NEO1: variants seen among roughly 807,000 people sequenced by gnomAD.
NEO1 encodes the protein neogenin 1, also known as neogenin.
A neutral mutation model predicts 159.7 loss-of-function variants in NEO1; 63 were observed. That is an observed-to-expected ratio of 0.39 (90% CI 0.32 to 0.49). The LOEUF is 0.49. Ranked by LOEUF, NEO1 falls within the 20% of genes least tolerant of loss-of-function variation. The pLI, the probability that NEO1 is intolerant of heterozygous loss-of-function variation, is 0.85. For synonymous variants in NEO1, 633 were observed against 662.0 expected (o/e 0.96, Z 0.67); for missense variants, 1,615 against 1,831.0 (o/e 0.88, Z 2.15).
intron 8 of NEO1, among the ~76,000 whole-genome samples, chr15:73,237,341 T>C (rs1567564668): frequency 6.6e-6 from 1 of 152,362 alleles, no homozygotes; most frequent in Admixed American, 6.5e-5. Flanking sequence ...TAAGCTGTTA[T>C]TCTTCAATTA....
At chr15:73,265,764 A>T (rs1417188282) in intron 15 of NEO1, among the ~76,000 whole-genome samples, 6 of 152,128 alleles carry the variant, frequency 3.9e-5, no homozygotes, top group Admixed American at 3.3e-4. Flanking sequence ...CAAGAAAAGC[A>T]GCTGTTTTAA....
chr15:73,222,186 G>C (rs2038330208), intron 7 of NEO1: 1 of 129,214 alleles, frequency 7.7e-6, no homozygotes, highest in Non-Finnish European at 1.6e-5. Flanking sequence ...CTCACTGCAA[G>C]CTCCATCTCC....
At chr15:73,136,115 A>G in intron 5 of NEO1, 88 bp downstream of exon 5, 4 of 1,166,012 alleles carry the variant, frequency 3.4e-6, no homozygotes, top group Admixed American at 2.6e-5. Context: ...GGGCGAGGCA[A>G]TACAGCAAAA....
chr15:73,228,704 A>G (rs575770860), intron 7 of NEO1, among the ~76,000 whole-genome samples: 2 of 152,240 alleles, frequency 1.3e-5, no homozygotes, highest in Non-Finnish European at 2.9e-5. Flanking sequence ...AACTCAAGAC[A>G]TGAAGTCTTC....
At chr15:73,108,350 A>G (rs2070793619) in intron 1 of NEO1, among the ~76,000 whole-genome samples, 1 of 152,162 alleles carries the variant, frequency 6.6e-6, no homozygotes, top group Admixed American at 6.5e-5. Context: ...TATTTATGGT[A>G]CTTTAAGAAG....
chr15:73,289,084 G>T lies in NEO1; in HGVS notation c.3650-62G>T, dbSNP rs1410993985. 6.8e-6 allele frequency: 9 copies of T among 1,324,990 alleles called. No homozygotes were observed. The Admixed American group carries it at 1.6e-4, about 23-fold the overall frequency. The allele number at this position is 1,324,990 out of a possible 1,614,324, so 82.1% of individuals were successfully genotyped here. On this transcript the variant is annotated intron_variant, in intron 24 of 28. Transcript: ENST00000261908. ...AATCCCCTACTAGAAATGTTTCACT[G>T]TTGAGGCTGCTCAGTGGCATAGGGC...
intron 1 of NEO1, among the ~76,000 whole-genome samples, chr15:73,071,244 C>T (rs1481156001): frequency 1.3e-5 from 2 of 152,090 alleles, no homozygotes; most frequent in East Asian, 3.9e-4. Flanking sequence ...TGGCCCTAAG[C>T]GATTCTTTAT....
At chr15:73,150,593 A>C (rs1332022327) in intron 5 of NEO1, among the ~76,000 whole-genome samples, 4 of 152,186 alleles carry the variant, frequency 2.6e-5, no homozygotes, top group African/African-American at 9.6e-5. Flanking sequence ...TTAAGCATTC[A>C]TATCATTAGC....
intron 1 of NEO1, among the ~76,000 whole-genome samples, chr15:73,054,968 T>C (rs1462417400): frequency 3.3e-5 from 5 of 152,130 alleles, no homozygotes; most frequent in African/African-American, 1.2e-4. Context: ...GAAGTGGACA[T>C]GTTCAGTAGT....
intron 1 of NEO1, among the ~76,000 whole-genome samples, chr15:73,090,104 C>G (rs2069598946): frequency 6.6e-6 from 1 of 152,072 alleles, no homozygotes; most frequent in South Asian, 2.1e-4. Flanking sequence ...TGAGATAGAA[C>G]TATAGGAATT....
intron 7 of NEO1, among the ~76,000 whole-genome samples, chr15:73,229,163 C>G (rs2038765030): frequency 1.3e-5 from 2 of 152,042 alleles, no homozygotes; most frequent in South Asian, 4.1e-4. Context: ...CATGGACTAT[C>G]TATTTATTTA....
rs2037622235 is a variant in NEO1, at chr15:73,212,221, T to G, written c.1292-24126T>G. On this transcript the variant is annotated intron_variant, in intron 7 of 28. Transcript: ENST00000261908. ...TGCCAAGGGTGAGGGATTTGGAGAT[T>G]TAAAGCTCTTCTTACAGGAGCTTTC... Among the ~76,000 whole-genome samples the G allele has an allele frequency of 1.3e-5, 2 of 152,184 alleles. 1 individual carries two copies. Among genetic ancestry groups the G allele is most frequent in the South Asian group, 4.1e-4 (2 of 4,826 alleles).
At chr15:73,244,982 A>AAAAAAAAAAAAAAAG (rs1567586974) in intron 9 of NEO1, among the ~76,000 whole-genome samples, 1 of 148,432 alleles carries the variant, frequency 6.7e-6, no homozygotes, top group African/African-American at 2.5e-5. Context: ...AAAAAAAAAA[A>AAAAAAAAAAAAAAAG]ACAACAGCAA....
At chr15:73,211,186 A>G (rs538075774) in intron 7 of NEO1, among the ~76,000 whole-genome samples, 1 of 152,330 alleles carries the variant, frequency 6.6e-6, no homozygotes, top group South Asian at 2.1e-4. Flanking sequence ...CTCTTGCTGT[A>G]AACAGCTAGA....
intron 5 of NEO1, among the ~76,000 whole-genome samples, chr15:73,169,833 A>G (rs1409276260): frequency 1.3e-5 from 2 of 151,952 alleles, no homozygotes; most frequent in Non-Finnish European, 2.9e-5. Flanking sequence ...GTATGCTATC[A>G]TTTATAATCT....
At chr15:73,251,362 T>C (rs2040055931) in intron 11 of NEO1, among the ~76,000 whole-genome samples, 1 of 151,528 alleles carries the variant, frequency 6.6e-6, no homozygotes, top group Admixed American at 6.6e-5. Flanking sequence ...AAAATAATAA[T>C]AATAGCTGGG....
At chr15:73,270,542 C>G in intron 18 of NEO1, 88 bp downstream of exon 18, 1 of 1,369,116 alleles carries the variant, frequency 7.3e-7, no homozygotes, top group Non-Finnish European at 9.8e-7. Flanking sequence ...TTACAAAACA[C>G]AGTGAGCAAC....
At chr15:73,236,283 C>A in intron 7 of NEO1, 64 bp from the exon 8 acceptor site, 1 of 1,612,080 alleles carries the variant, frequency 6.2e-7, no homozygotes, top group South Asian at 1.1e-5. Flanking sequence ...TTGCACATGA[C>A]AAGATGTTGC....
At chr15:73,141,810 C>T (rs2032413867) in intron 5 of NEO1, among the ~76,000 whole-genome samples, 1 of 152,174 alleles carries the variant, frequency 6.6e-6, no homozygotes, top group African/African-American at 2.4e-5. Flanking sequence ...TTACAATATT[C>T]TGCTGTCATT....
Sources: allele counts gnomAD v4.1 joint callset (sites outside exome capture counted in the v4.1 genomes callset), GRCh38; gene constraint gnomAD v4.1.1; transcripts MANE v1.5; gene names NCBI Gene and HGNC (gene_info 2026-07-23, HGNC 2026-07-21).